Variants in ZNF454 observed in about 807,000 individuals in gnomAD.
ZNF454 encodes zinc finger protein 454.
A neutral mutation model predicts 48.2 loss-of-function variants in ZNF454; 30 were observed. The ratio of observed to expected loss-of-function variants is 0.62; its 90% CI spans 0.47 to 0.84. The LOEUF is 0.84. Among genes scored for constraint, ZNF454 ranks in the 40% least tolerant of loss-of-function variants. ZNF454 has a pLI of 0.00. For synonymous variants in ZNF454, 204 were observed against 211.4 expected (o/e 0.97, Z 0.30); for missense variants, 510 against 623.1 (o/e 0.82, Z 1.93).
the ZNF454 span, chr5:178,986,465 T>A: frequency 4.6e-5 from 74 of 1,612,508 alleles, no homozygotes; most frequent in Non-Finnish European, 6.0e-5. Flanking sequence ...GTGGCCACGA[T>A]GCCCAGCACG....
chr5:178,952,080 C>T (rs1759578910), intron 4 of ZNF454, among the ~76,000 whole-genome samples: 1 of 151,318 alleles, frequency 6.6e-6, no homozygotes. Context: ...TTCTGTCGCC[C>T]AGGCGGGAGT....
At chr5:178,949,209 C>T (rs370600970) in intron 4 of ZNF454, among the ~76,000 whole-genome samples, 2 of 152,070 alleles carry the variant, frequency 1.3e-5, no homozygotes, top group East Asian at 3.9e-4. Flanking sequence ...TGCCACCTCG[C>T]GCAGCTAATT....
the ZNF454 span, among the ~76,000 whole-genome samples, chr5:178,983,754 C>G: frequency 0.01 from 1,578 of 152,244 alleles, 85 homozygotes; most frequent in East Asian, 0.15. Flanking sequence ...CTGTGCAGGC[C>G]CTCACAGGGA....
chr5:178,987,409 G>A, the ZNF454 span: 8 of 459,454 alleles, frequency 1.7e-5, no homozygotes, highest in Non-Finnish European at 2.6e-5. Context: ...AAAGCAACCC[G>A]AGCGTCCACT....
chr5:178,943,874 A>G (rs971407383), intron 2 of ZNF454, among the ~76,000 whole-genome samples: 2 of 152,078 alleles, frequency 1.3e-5, no homozygotes, highest in Non-Finnish European at 2.9e-5. Context: ...AATTACAAAA[A>G]AAATTAGCTG....
chr5:178,945,622 G>A (rs753720370), intron 2 of ZNF454, among the ~76,000 whole-genome samples: 2 of 148,402 alleles, frequency 1.3e-5, no homozygotes, highest in Non-Finnish European at 3.0e-5. Context: ...GTGGATATGG[G>A]TGTGTGTTTT....
At chr5:178,975,166 G>A in the ZNF454 span, among the ~76,000 whole-genome samples, 5 of 151,968 alleles carry the variant, frequency 3.3e-5, no homozygotes, top group African/African-American at 9.7e-5. Flanking sequence ...AAATTAGCCG[G>A]GCTACTCAGG....
chr5:178,983,545 C>G, the ZNF454 span: 1 of 532,830 alleles, frequency 1.9e-6, no homozygotes, highest in African/African-American at 1.9e-5. Flanking sequence ...CTAGCCATTA[C>G]CAATGCCATT....
chr5:178,948,964 G>A (rs1213587567), intron 4 of ZNF454, among the ~76,000 whole-genome samples: 1 of 150,746 alleles, frequency 6.6e-6, no homozygotes, highest in Non-Finnish European at 1.5e-5. Context: ...GTGCAGTGGT[G>A]TAATCATGGC....
chr5:178,977,173 G>A, the ZNF454 span, among the ~76,000 whole-genome samples: 4 of 152,168 alleles, frequency 2.6e-5, no homozygotes, highest in South Asian at 8.3e-4. Flanking sequence ...TATTCTGACA[G>A]AATAATTGCT....
chr5:178,989,722 A>G, the ZNF454 span: 2 of 450,224 alleles, frequency 4.4e-6, no homozygotes, highest in African/African-American at 4.0e-5. Flanking sequence ...AAAGACTTTT[A>G]TCCCTGCTCC....
chr5:178,964,129 T>C (rs2113276452), intron 4 of ZNF454, among the ~76,000 whole-genome samples: 1 of 151,754 alleles, frequency 6.6e-6, no homozygotes, highest in Admixed American at 6.6e-5. Flanking sequence ...CTGTGACTTT[T>C]TTTTTTTTTG....
intron 4 of ZNF454, among the ~76,000 whole-genome samples, chr5:178,951,802 G>A (rs1164506977): frequency 3.3e-5 from 5 of 152,144 alleles, no homozygotes; most frequent in Non-Finnish European, 7.4e-5. Context: ...CATAGATGTA[G>A]AGGTACTGGA....
rs1340491585 is a variant in ZNF454, at chr5:178,946,374, A to C, written c.49A>C (p.Lys17Gln). The C allele has an allele frequency of 6.2e-7, 1 of 1,612,138 alleles. No individual in the cohort carries two copies. The highest frequency in any genetic ancestry group is 8.5e-7 in the Non-Finnish European group (1 of 1,179,130). ...PTMVQESVTF[K>Q]DVAILFTQEE... is the part of the protein sequence containing the mutation. Reference sequence around the variant, plus strand: ...GCTGTTGCAGGAATCGGTGACCTTCAAGGATGTGGCTATACTGTTCACCCA... The same window carrying C: ...GCTGTTGCAGGAATCGGTGACCTTCCAGGATGTGGCTATACTGTTCACCCA... The change falls in exon 3 of 5, where the codon AAG becomes CAG. Residue 17 changes from lysine to glutamine, a missense_variant. Physicochemically the swap from Lys to Gln is moderately conservative, Grantham distance 53. Transcript: ENST00000519564. This position sits in a 1 kb window ranked among gnomAD's most constrained non-coding sequence, Gnocchi z 4.5.
the ZNF454 span, among the ~76,000 whole-genome samples, chr5:178,987,731 G>C: frequency 6.6e-6 from 1 of 152,054 alleles, no homozygotes; most frequent in African/African-American, 2.4e-5. Flanking sequence ...ATAGATGGTG[G>C]TGATGGTTGC....
chr5:178,986,823 G>T, the ZNF454 span: 1 of 1,613,448 alleles, frequency 6.2e-7, no homozygotes, highest in Non-Finnish European at 8.5e-7. Flanking sequence ...CCTGGGGCTC[G>T]GTCTGCACAC....
In ZNF454 at chr5:178,965,948, A is replaced by T; in HGVS notation, c.1544A>T (p.Gln515Leu). 1 of 1,589,922 alleles carries T rather than the reference A, an allele frequency of 6.3e-7. No individual in the cohort carries two copies. The highest frequency in any genetic ancestry group is 8.6e-7 in the Non-Finnish European group (1 of 1,169,452). Residue 515 changes from glutamine (Q) to leucine (L), a missense_variant, in exon 5 of 5, where the codon CAG becomes CTG. This residue lies in a region of ZNF454 where 153 missense variants were observed against 195.8 expected (regional missense o/e 0.78). Coordinates refer to ENST00000519564, the MANE Select transcript of ZNF454 (RefSeq NM_001178089.3). The surrounding 1 kb of genome is among the most constrained non-coding windows in gnomAD (Gnocchi z 5.2). Reference protein sequence around the residue: ...FNQTANLIQHQRHHIGEK With the variant: ...FNQTANLIQHLRHHIGEK The stretch of plus-strand genomic sequence containing the variant: ...CAGACTGCAAACCTCATTCAGCATC[A>T]GAGACATCATATTGGAGAGAAGTGA...
At chr5:178,959,051 C>T (rs1001537519) in intron 4 of ZNF454, among the ~76,000 whole-genome samples, 11 of 150,480 alleles carry the variant, frequency 7.3e-5, no homozygotes, top group South Asian at 2.1e-4. Context: ...CTATGGTTAA[C>T]GCTTGTTGTG....
chr5:178,964,511 CTT>C (rs1760084292), intron 4 of ZNF454, 142 bp from the exon 5 acceptor site: 1 of 713,030 alleles, frequency 1.4e-6, no homozygotes, highest in African/African-American at 1.8e-5. Context: ...GTTCACCCCT[CTT>C]TTCTGTCCTT....
Sources: gnomAD v4.1 joint callset for allele counts (sites outside exome capture counted in the v4.1 genomes callset) on GRCh38, gnomAD v4.1.1 for gene constraint, gnomAD v4.1.1 regional missense constraint, Gnocchi (gnomAD v3.1) non-coding constraint, MANE v1.5 for transcripts, NCBI Gene and HGNC (gene_info 2026-07-23, HGNC 2026-07-21) for gene names.